The following FAM53A variants were observed in gnomAD, a reference collection of about 807,000 sequenced individuals.
The protein encoded by FAM53A is family with sequence similarity 53 member A, also known as protein FAM53A.
Under a neutral mutation model 26.6 loss-of-function variants are expected in FAM53A, and 28 were observed. The ratio of observed to expected loss-of-function variants is 1.05; its 90% CI spans 0.78 to 1.45. The LOEUF (loss-of-function observed/expected upper bound fraction) is 1.45, where lower values mean the gene tolerates loss of function less well. FAM53A is among the 40% of genes most tolerant of loss of function. FAM53A has a pLI of 0.00. For synonymous variants in FAM53A, 290 were observed against 253.1 expected (o/e 1.15, Z -1.38); for missense variants, 650 against 575.8 (o/e 1.13, Z -1.32).
At chr4:1,673,845 C>T (rs529706976) in intron 1 of FAM53A, among the ~76,000 whole-genome samples, 1 of 152,380 alleles carries the variant, frequency 6.6e-6, no homozygotes, top group East Asian at 1.9e-4. Flanking sequence ...ACGCGGGAGG[C>T]GCATGCAGCG....
chr4:1,636,900 C>A (rs1414464630), downstream of FAM53A, among the ~76,000 whole-genome samples: 1 of 151,824 alleles, frequency 6.6e-6, no homozygotes, highest in Middle Eastern at 3.2e-3. Context: ...GGGGTCCCAT[C>A]TGCAGGGCTG....
At chr4:1,629,335 G>A (rs4865449) in intron 1 of FAM53A, among the ~76,000 whole-genome samples, 17,288 of 152,260 alleles carry the variant, frequency 0.11, 1,214 homozygotes, top group Middle Eastern at 0.21. Context: ...GGGGAAGTGC[G>A]GGCGAAGCCT....
intron 1 of FAM53A, among the ~76,000 whole-genome samples, chr4:1,621,137 C>T (rs1715014183): frequency 1.8e-5 from 2 of 113,208 alleles, no homozygotes; most frequent in South Asian, 5.1e-4. Flanking sequence ...TGGAGTCTCG[C>T]TGTCACCCAG....
At chr4:1,639,529 C>T (rs1562363), downstream of FAM53A, among the ~76,000 whole-genome samples, 9,527 of 152,196 alleles carry the variant, frequency 0.063, 390 homozygotes, top group Middle Eastern at 0.16. Context: ...GGCCTGCCAA[C>T]GACAGGAGGG....
chr4:1,641,340 G>T lies in FAM53A; in HGVS notation c.1150C>A (p.Pro384Thr). The T allele has an allele frequency of 6.2e-7, 1 of 1,611,624 alleles. No homozygotes were observed. Among genetic ancestry groups the T allele is most frequent in the East Asian group, 2.2e-5 (1 of 44,872 alleles). The change falls in exon 5 of 5, where the codon CCC becomes ACC. Residue 384 changes from proline to threonine, a missense_variant. Transcript: ENST00000308132. ...GDSVGEEGVF[P>T]RARWELDLEQ... ...AGGTCCAGCTCCCAGCGGGCCCGGG[G>T]GAAGACGCCCTCCTCCCCGACACTG...
Position 1,641,625 on chromosome 4 carries a change from C to G in FAM53A, c.883-18G>C. ...TTTAAAGTCTGCAATAGAAAAGATA[C>G]GGGCTTAAAGCATTTCTAGCAGATC... On this transcript the variant is annotated intron_variant, in intron 4 of 4. Coordinates refer to ENST00000308132, the MANE Select transcript of FAM53A (RefSeq NM_001174070.3). The G allele has an allele frequency of 6.2e-7, 1 of 1,613,300 alleles. No individual in the cohort carries two copies. Among genetic ancestry groups the G allele is most frequent in the Non-Finnish European group, 8.5e-7 (1 of 1,179,472 alleles).
Position 1,668,699 on chromosome 4 carries a change from C to A in FAM53A, c.43G>T (p.Asp15Tyr). The A allele has an allele frequency of 6.2e-7, 1 of 1,614,188 alleles. No individual in the cohort carries two copies. The highest frequency in any genetic ancestry group is 1.1e-5 in the South Asian group (1 of 91,084). The change falls in exon 2 of 5, where the codon GAC becomes TAC. Residue 15 changes from aspartate (D) to tyrosine (Y), a missense_variant. Coordinates refer to ENST00000308132, the MANE Select transcript of FAM53A (RefSeq NM_001174070.3). ...ITEKLQSQSL[D>Y]DLTCKAEAGP... is the part of the protein sequence containing the mutation. ...GCCTCCGCCTTGCAGGTGAGGTCGTCCAGGCTCTGGCTCTGCAGCTTCTCA... is the reference window on the plus strand; with the variant it reads ...GCCTCCGCCTTGCAGGTGAGGTCGTACAGGCTCTGGCTCTGCAGCTTCTCA...
intron 2 of FAM53A, among the ~76,000 whole-genome samples, chr4:1,661,443 G>A (rs1713826862): frequency 6.6e-6 from 1 of 152,074 alleles, no homozygotes; most frequent in South Asian, 2.1e-4. Context: ...GCACCATATT[G>A]CTAACCCAGC....
At chr4:1,631,687 G>C (rs1018718188) in intron 1 of FAM53A, among the ~76,000 whole-genome samples, 1 of 151,860 alleles carries the variant, frequency 6.6e-6, no homozygotes, top group African/African-American at 2.4e-5. Context: ...ACTGATTCAA[G>C]AAGCTAAAAA....
chr4:1,584,771 G>A, the FAM53A span, among the ~76,000 whole-genome samples: 130 of 152,316 alleles, frequency 8.5e-4, no homozygotes, highest in South Asian at 0.016. Flanking sequence ...CTGCCCCTAT[G>A]GCAAGTGTCC....
upstream of FAM53A, among the ~76,000 whole-genome samples, chr4:1,684,732 C>G (rs949587720): frequency 2.6e-5 from 4 of 152,158 alleles, no homozygotes; most frequent in African/African-American, 9.6e-5. Context: ...GGCTCGCCGC[C>G]GCCGCCTTCC....
the FAM53A span, among the ~76,000 whole-genome samples, chr4:1,582,779 CAGG>C: frequency 6.6e-6 from 1 of 152,152 alleles, no homozygotes; most frequent in African/African-American, 2.4e-5. Context: ...CACTGGAGCC[CAGG>C]AGGTCGAGTC....
intron 2 of FAM53A, among the ~76,000 whole-genome samples, chr4:1,665,662 A>G (rs1008841301): frequency 6.6e-6 from 1 of 152,158 alleles, no homozygotes; most frequent in Admixed American, 6.5e-5. Flanking sequence ...GGCCACTAAC[A>G]GAGCCGGCAG....
chr4:1,641,230 C>T lies in FAM53A; in HGVS notation c.*63G>A, dbSNP rs977014831. The T allele has an allele frequency of 2.4e-5, 38 of 1,557,694 alleles. No individual in the cohort carries two copies. The highest frequency in any genetic ancestry group is 5.3e-5 in the Admixed American group (3 of 56,582). ...GTGGCCCCGACCAGCTCACAGGAAA[C>T]CTACTCTGTGCCCCAGGGCAGGTGC... On this transcript the variant is annotated 3_prime_UTR_variant, in exon 5 of 5. Transcript: ENST00000308132.
At chr4:1,676,663 C>A (rs1715064610) in intron 1 of FAM53A, among the ~76,000 whole-genome samples, 1 of 152,160 alleles carries the variant, frequency 6.6e-6, no homozygotes, top group African/African-American at 2.4e-5. Context: ...TACACCCATG[C>A]ACACAGCCCG....
chr4:1,672,900 G>C (rs1714784730), intron 1 of FAM53A, among the ~76,000 whole-genome samples: 1 of 151,250 alleles, frequency 6.6e-6, no homozygotes, highest in South Asian at 2.1e-4. Flanking sequence ...CTGCCAAGTA[G>C]CCGGGATTAC....
the FAM53A span, among the ~76,000 whole-genome samples, chr4:1,592,305 G>A: frequency 6.6e-6 from 1 of 152,206 alleles, no homozygotes; most frequent in African/African-American, 2.4e-5. Context: ...ACGTCCACAC[G>A]CGGCCCCATC....
chr4:1,606,455 A>C, the FAM53A span, among the ~76,000 whole-genome samples: 4 of 152,078 alleles, frequency 2.6e-5, no homozygotes, highest in Admixed American at 1.3e-4. Context: ...AAGATAGCCG[A>C]GACCCGATGC....
the FAM53A span, among the ~76,000 whole-genome samples, chr4:1,586,864 C>T: frequency 4.0e-5 from 6 of 151,422 alleles, no homozygotes; most frequent in South Asian, 6.2e-4. Flanking sequence ...CACCTCTGTA[C>T]TCTTTTCCAC....
Sources: gnomAD v4.1 joint callset for allele counts (sites outside exome capture counted in the v4.1 genomes callset) on GRCh38, gnomAD v4.1.1 for gene constraint, MANE v1.5 for transcripts, NCBI Gene and HGNC (gene_info 2026-07-23, HGNC 2026-07-21) for gene names.